The following NTRK2 variants were observed in gnomAD, a reference collection of about 807,000 sequenced individuals.
NTRK2 encodes BDNF/NT-3 growth factors receptor.
Under a neutral mutation model 94.5 loss-of-function variants are expected in NTRK2, and 13 were observed. That is an observed-to-expected ratio of 0.14 (90% CI 0.09 to 0.22). NTRK2 has a LOEUF of 0.22. Ranked by LOEUF, NTRK2 falls within the 10% of genes least tolerant of loss-of-function variation. NTRK2 has a pLI of 1.00. For synonymous variants in NTRK2, 372 were observed against 407.4 expected (o/e 0.91, Z 1.05); for missense variants, 639 against 1,071.2 (o/e 0.60, Z 5.63).
chr9:84,936,190 G>C (rs2078208449), intron 15 of NTRK2, among the ~76,000 whole-genome samples: 1 of 152,204 alleles, frequency 6.6e-6, no homozygotes, highest in African/African-American at 2.4e-5. Flanking sequence ...AGAGCCAACA[G>C]ATTTCTCAGT....
chr9:84,892,144 T>A (rs535356027), intron 14 of NTRK2, among the ~76,000 whole-genome samples: 2 of 152,300 alleles, frequency 1.3e-5, no homozygotes, highest in South Asian at 4.1e-4. Flanking sequence ...CAGGCCAAAG[T>A]CTGCAAATTA....
At chr9:84,958,762 G>C (rs1241344399) in intron 17 of NTRK2, among the ~76,000 whole-genome samples, 2 of 152,194 alleles carry the variant, frequency 1.3e-5, no homozygotes, top group African/African-American at 4.8e-5. Context: ...ACTTTATTTT[G>C]CCTTTCTAAA....
At chr9:84,820,644 C>G (rs1034300398) in intron 12 of NTRK2, among the ~76,000 whole-genome samples, 7 of 152,106 alleles carry the variant, frequency 4.6e-5, no homozygotes, top group Non-Finnish European at 8.8e-5. Flanking sequence ...TTTCAAATCT[C>G]CTAAAAATTT....
intron 14 of NTRK2, among the ~76,000 whole-genome samples, chr9:84,907,586 G>T (rs989369740): frequency 6.6e-6 from 1 of 152,098 alleles, no homozygotes; most frequent in Non-Finnish European, 1.5e-5. Context: ...TGTTCAGGGT[G>T]GGGGGATAAA....
chr9:84,892,365 CA>C (rs2076620551), intron 14 of NTRK2, among the ~76,000 whole-genome samples: 1 of 152,168 alleles, frequency 6.6e-6, no homozygotes, highest in South Asian at 2.1e-4. Context: ...GGCACATCCC[CA>C]AAGCTAACAC....
chr9:84,793,783 G>A (rs1027422741), intron 12 of NTRK2, among the ~76,000 whole-genome samples: 1 of 152,134 alleles, frequency 6.6e-6, no homozygotes, highest in Non-Finnish European at 1.5e-5. Context: ...TAAGACAGGG[G>A]TCAGTACACT....
At chr9:84,757,118 A>G (rs2065151699) in intron 12 of NTRK2, among the ~76,000 whole-genome samples, 1 of 152,202 alleles carries the variant, frequency 6.6e-6, no homozygotes, top group South Asian at 2.1e-4. Context: ...AAACATCTGT[A>G]AGGACAAACT....
At position 84,926,254 on chromosome 9, in the gene NTRK2, T is replaced by C. The variant is rs1053415286; in HGVS notation, c.1634-7908T>C. Among the ~76,000 whole-genome samples the C allele has an allele frequency of 1.3e-5, 2 of 149,882 alleles. 1 individual carries two copies. Among genetic ancestry groups the C allele is most frequent in the Admixed American group, 1.3e-4 (2 of 14,876 alleles). On this transcript the variant is annotated intron_variant, in intron 14 of 18. Transcript: ENST00000277120. The stretch of plus-strand genomic sequence containing the variant: ...TCTTTTTCTTTCCTTCTTTTTGAGA[T>C]GGAGTTTCACTCTTGTTGCCCAGGA...
chr9:84,877,632 G>A, intron 14 of NTRK2: 2 of 1,065,328 alleles, frequency 1.9e-6, no homozygotes, highest in Non-Finnish European at 2.3e-6. Context: ...TAGGGAAGGG[G>A]TTCTGTTGAT....
intron 16 of NTRK2, 120 bp from the exon 17 acceptor site, chr9:84,955,163 C>T: frequency 1.3e-6 from 1 of 796,904 alleles, no homozygotes; most frequent in Non-Finnish European, 2.1e-6. Context: ...TCTTTTAGCA[C>T]CAGCAGCTAC....
chr9:84,789,958 T>A (rs17087700), intron 12 of NTRK2, among the ~76,000 whole-genome samples: 9,644 of 152,258 alleles, frequency 0.063, 353 homozygotes, highest in East Asian at 0.15. Flanking sequence ...TTTTACAAGA[T>A]ACCTTCTCGC....
chr9:84,781,150 G>A (rs992843426), intron 12 of NTRK2, among the ~76,000 whole-genome samples: 2 of 152,074 alleles, frequency 1.3e-5, no homozygotes, highest in African/African-American at 2.4e-5. Context: ...ATGTTCCGGT[G>A]TCCAAACCTT....
At chr9:84,999,322 G>A (rs1830093979) in intron 17 of NTRK2, among the ~76,000 whole-genome samples, 1 of 152,088 alleles carries the variant, frequency 6.6e-6, no homozygotes, top group Non-Finnish European at 1.5e-5. Flanking sequence ...AAGTTATAAA[G>A]CCTCTCTCTT....
At chr9:85,005,426 G>A (rs1270631820) in intron 17 of NTRK2, among the ~76,000 whole-genome samples, 1 of 152,154 alleles carries the variant, frequency 6.6e-6, no homozygotes, top group Non-Finnish European at 1.5e-5. Flanking sequence ...TCCCTACTTA[G>A]TAAACGGTAA....
intron 17 of NTRK2, among the ~76,000 whole-genome samples, chr9:85,019,344 C>T (rs1832578082): frequency 6.6e-6 from 1 of 152,114 alleles, no homozygotes. Context: ...GCAGAACCTA[C>T]CGCCACAGGA....
Position 84,995,557 on chromosome 9 carries a change from A to G in NTRK2, c.2173-24649A>G, listed in dbSNP as rs192990287. On this transcript the variant is annotated intron_variant, in intron 17 of 18. Transcript: ENST00000277120. ...ATTGGAGTTGATTCTGGCCTGGGGG[A>G]TGAGAGGCTGTGCCGCTGGGTCTGC... is the stretch of plus-strand genomic sequence containing the variant. Among the ~76,000 whole-genome samples the G allele has an allele frequency of 6.0e-3, 899 of 150,538 alleles. 13 individuals are homozygous for G. The highest frequency in any genetic ancestry group is 0.02 in the African/African-American group (840 of 41,454).
chr9:84,682,917 T>G (rs935584264), intron 2 of NTRK2, among the ~76,000 whole-genome samples: 1 of 152,290 alleles, frequency 6.6e-6, no homozygotes, highest in East Asian at 1.9e-4. Flanking sequence ...TTAACCAACT[T>G]CTTACTGGAC....
intron 13 of NTRK2, among the ~76,000 whole-genome samples, chr9:84,862,851 C>T (rs950516067): frequency 9.9e-5 from 15 of 152,042 alleles, no homozygotes; most frequent in African/African-American, 3.6e-4. Context: ...GTCTGAGTAA[C>T]TTCAACAGGC....
At chr9:84,905,788 T>G (rs1265864463) in intron 14 of NTRK2, among the ~76,000 whole-genome samples, 2 of 152,166 alleles carry the variant, frequency 1.3e-5, no homozygotes, top group African/African-American at 2.4e-5. Context: ...GGAAGGGTCT[T>G]GTCAGGGTGA....
Sources: allele counts gnomAD v4.1 joint callset (sites outside exome capture counted in the v4.1 genomes callset), GRCh38; gene constraint gnomAD v4.1.1; transcripts MANE v1.5; gene names NCBI Gene and HGNC (gene_info 2026-07-23, HGNC 2026-07-21).